ENTREP1: variants seen among roughly 807,000 people sequenced by gnomAD.
ENTREP1 encodes Friedreich ataxia region gene X123.
At chr9:69,361,100 G>T in the ENTREP1 span, among the ~76,000 whole-genome samples, 2 of 151,782 alleles carry the variant, frequency 1.3e-5, no homozygotes, top group African/African-American at 2.4e-5. Flanking sequence ...TCAGAAAAAG[G>T]AATCAGGAGT....
At chr9:69,351,524 C>T in the ENTREP1 span, among the ~76,000 whole-genome samples, 1 of 152,212 alleles carries the variant, frequency 6.6e-6, no homozygotes, top group African/African-American at 2.4e-5. Flanking sequence ...TCAAGTGATT[C>T]TCTTGCCTCA....
At chr9:69,360,439 T>C in the ENTREP1 span, among the ~76,000 whole-genome samples, 1 of 152,238 alleles carries the variant, frequency 6.6e-6, no homozygotes, top group Non-Finnish European at 1.5e-5. Flanking sequence ...TTTCAGTGTT[T>C]ATTTTATTTT....
the ENTREP1 span, among the ~76,000 whole-genome samples, chr9:69,357,519 T>C: frequency 6.6e-6 from 1 of 152,218 alleles, no homozygotes; most frequent in Non-Finnish European, 1.5e-5. Flanking sequence ...GGCCTGTGTT[T>C]GGCTTGTTGG....
At chr9:69,349,983 C>G in the ENTREP1 span, among the ~76,000 whole-genome samples, 25 of 152,280 alleles carry the variant, frequency 1.6e-4, no homozygotes, top group Non-Finnish European at 3.1e-4. Flanking sequence ...CATTGTTAAG[C>G]TGGGGACTGT....
chr9:69,328,875 C>T, the ENTREP1 span, among the ~76,000 whole-genome samples: 4 of 152,182 alleles, frequency 2.6e-5, no homozygotes, highest in South Asian at 2.1e-4. Flanking sequence ...CCTCATTCTC[C>T]ACCACCCCCA....
At chr9:69,383,454 G>A in the ENTREP1 span, 2 of 1,478,344 alleles carry the variant, frequency 1.4e-6, no homozygotes, top group South Asian at 1.4e-5. Flanking sequence ...AGGAACTCTG[G>A]CCACTTCGTC....
chr9:69,392,185 C>G, the ENTREP1 span: 24 of 241,730 alleles, frequency 9.9e-5, no homozygotes, highest in South Asian at 1.8e-3. Flanking sequence ...ACAGATCTGC[C>G]GGGCTGCTAT....
At chr9:69,325,699 G>A in the ENTREP1 span, 10 of 1,230,376 alleles carry the variant, frequency 8.1e-6, no homozygotes, top group Non-Finnish European at 1.0e-5. Flanking sequence ...TGAAGAACTC[G>A]TGCCCGTTCT....
chr9:69,327,920 A>G, the ENTREP1 span, among the ~76,000 whole-genome samples: 1 of 80,560 alleles, frequency 1.2e-5, no homozygotes, highest in Non-Finnish European at 3.0e-5. Flanking sequence ...TACTGTATTT[A>G]TAGAACAATT....
chr9:69,363,717 C>A, the ENTREP1 span, among the ~76,000 whole-genome samples: 1 of 152,184 alleles, frequency 6.6e-6, no homozygotes, highest in Non-Finnish European at 1.5e-5. Flanking sequence ...TCACTCTCTT[C>A]CCTCCCTGTG....
the ENTREP1 span, among the ~76,000 whole-genome samples, chr9:69,330,796 A>G: frequency 6.6e-6 from 1 of 152,080 alleles, no homozygotes; most frequent in Non-Finnish European, 1.5e-5. Context: ...TCATCTGTCA[A>G]ATGGGTGGGA....
At chr9:69,325,315 C>A in the ENTREP1 span, 1 of 1,185,504 alleles carries the variant, frequency 8.4e-7, no homozygotes. Context: ...CGTCCATGTC[C>A]CTGCCCGTGG....
chr9:69,391,253 C>T, the ENTREP1 span, among the ~76,000 whole-genome samples: 9 of 152,116 alleles, frequency 5.9e-5, no homozygotes, highest in East Asian at 5.8e-4. Flanking sequence ...TGACAATACC[C>T]GTCCCTCCCT....
the ENTREP1 span, among the ~76,000 whole-genome samples, chr9:69,332,661 C>T: frequency 3.3e-5 from 5 of 152,130 alleles, no homozygotes; most frequent in Admixed American, 1.3e-4. Flanking sequence ...AAACAAAATA[C>T]CTCCCCTCCA....
chr9:69,365,761 A>T, the ENTREP1 span, among the ~76,000 whole-genome samples: 1 of 152,186 alleles, frequency 6.6e-6, no homozygotes, highest in South Asian at 2.1e-4. Context: ...CCCACATGTG[A>T]ATGAGAACAT....
chr9:69,383,615 A>G, the ENTREP1 span: 10 of 1,613,958 alleles, frequency 6.2e-6, no homozygotes, highest in Admixed American at 1.7e-5. Flanking sequence ...TCTGACGCCA[A>G]GTCGCTTTTC....
At chr9:69,343,517 TGCA>T in the ENTREP1 span, among the ~76,000 whole-genome samples, 1 of 152,154 alleles carries the variant, frequency 6.6e-6, no homozygotes, top group African/African-American at 2.4e-5. Flanking sequence ...CGCAGCTCAC[TGCA>T]GCCTTGATCT....
the ENTREP1 span, chr9:69,387,154 G>C: frequency 6.6e-6 from 1 of 152,180 alleles, no homozygotes; most frequent in Non-Finnish European, 1.5e-5. Flanking sequence ...GTCCTCACAC[G>C]AGTGTCTTTG....
the ENTREP1 span, chr9:69,391,748 G>T: frequency 6.2e-7 from 1 of 1,613,832 alleles, no homozygotes; most frequent in Non-Finnish European, 8.5e-7. Flanking sequence ...GCCCCGGCGA[G>T]TGGAGGCTGA....
Sources: gnomAD v4.1 joint callset for allele counts (sites outside exome capture counted in the v4.1 genomes callset) on GRCh38, gnomAD v4.1.1 for gene constraint, MANE v1.5 for transcripts, NCBI Gene and HGNC (gene_info 2026-07-23, HGNC 2026-07-21) for gene names.